Variants in NKAIN2 observed in about 807,000 individuals in gnomAD.
NKAIN2 encodes sodium/potassium transporting ATPase interacting 2.
In NKAIN2, 14 loss-of-function variants were observed where a neutral mutation model predicts 32.6. The ratio of observed to expected loss-of-function variants is 0.43; its 90% CI spans 0.28 to 0.67. NKAIN2 has a LOEUF of 0.67. Ranked by LOEUF, NKAIN2 falls within the 30% of genes least tolerant of loss-of-function variation. The pLI, the probability that NKAIN2 is intolerant of heterozygous loss-of-function variation, is 0.17. For synonymous variants in NKAIN2, 80 were observed against 87.2 expected (o/e 0.92, Z 0.46); for missense variants, 198 against 258.3 (o/e 0.77, Z 1.60).
intron 2 of NKAIN2, among the ~76,000 whole-genome samples, chr6:124,337,341 C>T (rs1797919958): frequency 6.6e-6 from 1 of 151,860 alleles, no homozygotes; most frequent in African/African-American, 2.4e-5. Context: ...TACGAAACTA[C>T]AAAATAATAA....
chr6:123,922,036 C>T (rs1314412400), intron 1 of NKAIN2, among the ~76,000 whole-genome samples: 1 of 152,098 alleles, frequency 6.6e-6, no homozygotes, highest in Non-Finnish European at 1.5e-5. Flanking sequence ...ATTAATTTAG[C>T]TCAGGATTTC....
At chr6:123,839,518 T>C (rs1486424001) in intron 1 of NKAIN2, among the ~76,000 whole-genome samples, 1 of 152,144 alleles carries the variant, frequency 6.6e-6, no homozygotes, top group Non-Finnish European at 1.5e-5. Flanking sequence ...TTTTGTTTTG[T>C]TTCATTAAAA....
In NKAIN2 at chr6:124,171,852, C is replaced by CT. The variant is rs1205322762; in HGVS notation, c.55-111141dup. Among the ~76,000 whole-genome samples the CT allele has an allele frequency of 7.6e-3, 1,035 of 136,166 alleles. 10 individuals are homozygous for CT. Among genetic ancestry groups the CT allele is most frequent in the South Asian group, 0.02 (87 of 4,246 alleles). 89.3% of individuals were successfully genotyped at this position (136,166 alleles called of 152,430 possible). ...CAGGCGTGAGCCACCGCGGCCGACT[C>CT]TTTTTTTTTTTTGAGAGAGAGTCTC... On this transcript the variant is annotated intron_variant, in intron 1 of 6. Transcript: ENST00000368417.
At chr6:124,780,231 G>A (rs979138825) in intron 4 of NKAIN2, among the ~76,000 whole-genome samples, 2 of 152,120 alleles carry the variant, frequency 1.3e-5, no homozygotes, top group Non-Finnish European at 1.5e-5. Context: ...ACTTTCGGGG[G>A]TAGTAGAAAT....
chr6:124,799,873 A>C (rs1780174769), intron 5 of NKAIN2, among the ~76,000 whole-genome samples: 1 of 152,200 alleles, frequency 6.6e-6, no homozygotes, highest in South Asian at 2.1e-4. Context: ...CCCACAGCCT[A>C]CCAGCAGTGG....
intron 1 of NKAIN2, among the ~76,000 whole-genome samples, chr6:123,969,083 C>T (rs983052620): frequency 2.0e-5 from 3 of 152,100 alleles, no homozygotes; most frequent in Non-Finnish European, 2.9e-5. Context: ...ATAGGTCCCA[C>T]CACTGAAAAA....
intron 4 of NKAIN2, among the ~76,000 whole-genome samples, chr6:124,700,407 C>T (rs921190890): frequency 6.6e-6 from 1 of 152,016 alleles, no homozygotes; most frequent in South Asian, 2.1e-4. Context: ...AACTTTTTGC[C>T]AAAGCAAGAG....
Position 124,218,758 on chromosome 6 carries a change from C to A in NKAIN2, c.55-64247C>A, listed in dbSNP as rs141373468. 4.6e-5 allele frequency among the ~76,000 whole-genome samples: 7 copies of A among 152,132 alleles called. No homozygotes were observed. The East Asian group carries it at 1.4e-3, about 29-fold the overall frequency. Reference sequence around the variant, plus strand: ...CTGTAAAAAAATCATCTAATCTGACCTACTTTTAAATACCAGTTACTAGTA... The same window carrying A: ...CTGTAAAAAAATCATCTAATCTGACATACTTTTAAATACCAGTTACTAGTA... On this transcript the variant is annotated intron_variant, in intron 1 of 6. Coordinates refer to ENST00000368417, the MANE Select transcript of NKAIN2 (RefSeq NM_001040214.3).
intron 4 of NKAIN2, among the ~76,000 whole-genome samples, chr6:124,690,857 T>C (rs1286158858): frequency 6.6e-6 from 1 of 152,202 alleles, no homozygotes; most frequent in East Asian, 1.9e-4. Flanking sequence ...CACACTTTCC[T>C]CCTAAAGCAC....
In NKAIN2 at chr6:124,618,303, C is replaced by T. The variant is rs145882511; in HGVS notation, c.274-39883C>T. On this transcript the variant is annotated intron_variant, in intron 3 of 6. Coordinates refer to ENST00000368417, the MANE Select transcript of NKAIN2 (RefSeq NM_001040214.3). Reference sequence around the variant, plus strand: ...GACCAGCCTGGCCAAAAGGGTGAAACCCCATCTCTACTAAAAATACAGAAA... The same window carrying T: ...GACCAGCCTGGCCAAAAGGGTGAAATCCCATCTCTACTAAAAATACAGAAA... 1.4e-3 allele frequency among the ~76,000 whole-genome samples: 210 copies of T among 152,134 alleles called. 2 individuals carry two copies. The East Asian group carries it at 0.021, about 15-fold the overall frequency.
At chr6:124,683,065 C>A (rs925217043) in intron 4 of NKAIN2, among the ~76,000 whole-genome samples, 14 of 152,170 alleles carry the variant, frequency 9.2e-5, no homozygotes, top group Non-Finnish European at 1.9e-4. Context: ...CAAGATTAGG[C>A]TTGGTTTTCC....
chr6:124,678,869 A>G (rs1044714896), intron 4 of NKAIN2, among the ~76,000 whole-genome samples: 2 of 152,162 alleles, frequency 1.3e-5, no homozygotes, highest in African/African-American at 4.8e-5. Flanking sequence ...CAACCCACCT[A>G]CAGACTCTGA....
At chr6:124,036,814 G>C (rs9482504) in intron 1 of NKAIN2, among the ~76,000 whole-genome samples, 18,931 of 152,058 alleles carry the variant, frequency 0.12, 3,600 homozygotes, top group African/African-American at 0.41. Flanking sequence ...GCATTACAAA[G>C]ATTAGCTTTT....
intron 4 of NKAIN2, among the ~76,000 whole-genome samples, chr6:124,694,946 G>A (rs1774425301): frequency 1.4e-5 from 2 of 138,910 alleles, no homozygotes; most frequent in Admixed American, 7.2e-5. Flanking sequence ...GTTTTCTTTT[G>A]TTATGGAGTT....
rs114760265 is a variant in NKAIN2, at chr6:123,860,778, T to C, written c.54+56524T>C. On this transcript the variant is annotated intron_variant, in intron 1 of 6. Coordinates refer to ENST00000368417, the MANE Select transcript of NKAIN2 (RefSeq NM_001040214.3). Reference sequence around the variant, plus strand: ...ATATATGAAAAATTATTTCCCTCTCTTCTGACCACCTCTCACATACTTTTC... The same window carrying C: ...ATATATGAAAAATTATTTCCCTCTCCTCTGACCACCTCTCACATACTTTTC... Among the ~76,000 whole-genome samples the C allele has an allele frequency of 4.9e-3, 745 of 152,318 alleles. 4 individuals are homozygous for C. Among genetic ancestry groups the C allele is most frequent in the African/African-American group, 0.017 (712 of 41,564 alleles).
intron 1 of NKAIN2, among the ~76,000 whole-genome samples, chr6:123,841,355 C>A (rs1030611097): frequency 6.6e-6 from 1 of 152,114 alleles, no homozygotes; most frequent in Non-Finnish European, 1.5e-5. Context: ...ATCAGTGTTA[C>A]AATCGTGAGA....
chr6:124,650,159 A>C (rs1161946260), intron 3 of NKAIN2, among the ~76,000 whole-genome samples: 1 of 152,190 alleles, frequency 6.6e-6, no homozygotes, highest in Non-Finnish European at 1.5e-5. Flanking sequence ...ACAAGACAAG[A>C]GAAGGAAATA....
chr6:124,373,398 T>A (rs960983271), intron 3 of NKAIN2, among the ~76,000 whole-genome samples: 1 of 152,116 alleles, frequency 6.6e-6, no homozygotes, highest in Non-Finnish European at 1.5e-5. Flanking sequence ...CAAGTCTTGG[T>A]TGCCCATTAG....
chr6:124,776,712 T>G (rs1481792284), intron 4 of NKAIN2, among the ~76,000 whole-genome samples: 1 of 152,194 alleles, frequency 6.6e-6, no homozygotes, highest in Non-Finnish European at 1.5e-5. Flanking sequence ...TATCACATCT[T>G]TCTATTATAC....
Sources: allele counts gnomAD v4.1 joint callset (sites outside exome capture counted in the v4.1 genomes callset), GRCh38; gene constraint gnomAD v4.1.1; transcripts MANE v1.5; gene names NCBI Gene and HGNC (gene_info 2026-07-23, HGNC 2026-07-21).